The following ZDHHC14 variants were observed in gnomAD, a reference collection of about 807,000 sequenced individuals.
ZDHHC14 encodes the protein zDHHC palmitoyltransferase 14.
In ZDHHC14, 16 loss-of-function variants were observed where a neutral mutation model predicts 47.7. The observed-to-expected ratio is 0.34, with a 90% CI of 0.23 to 0.51. The LOEUF (loss-of-function observed/expected upper bound fraction) is 0.51. Ranked by LOEUF, ZDHHC14 falls within the 20% of genes least tolerant of loss-of-function variation. The probability of loss-of-function intolerance (pLI) is 0.97; values close to 1 mark genes in which losing one functional copy is unlikely to be tolerated. For synonymous variants in ZDHHC14, 293 were observed against 278.9 expected, an observed-to-expected ratio of 1.05 and a Z score of -0.50; for missense variants, 515 against 662.5, an observed-to-expected ratio of 0.78 and a Z score of 2.44.
At chr6:157,590,533 C>T (rs1304641492) in intron 2 of ZDHHC14, among the ~76,000 whole-genome samples, 1 of 152,146 alleles carries the variant, frequency 6.6e-6, no homozygotes, top group Non-Finnish European at 1.5e-5. Context: ...GCACAGAAGA[C>T]AATAATTGAG....
At chr6:157,620,209 T>G (rs1199024447) in intron 3 of ZDHHC14, among the ~76,000 whole-genome samples, 1 of 152,174 alleles carries the variant, frequency 6.6e-6, no homozygotes, top group African/African-American at 2.4e-5. Flanking sequence ...ATGAGGGCCT[T>G]CTTGCTGATG....
At chr6:157,518,032 G>A (rs1780764312) in intron 1 of ZDHHC14, among the ~76,000 whole-genome samples, 1 of 152,102 alleles carries the variant, frequency 6.6e-6, no homozygotes, top group African/African-American at 2.4e-5. Context: ...GCAGGCTGGA[G>A]GAGGGTGGGG....
intron 8 of ZDHHC14, among the ~76,000 whole-genome samples, chr6:157,661,622 G>C (rs1044626144): frequency 6.6e-6 from 1 of 152,180 alleles, no homozygotes; most frequent in Non-Finnish European, 1.5e-5. Flanking sequence ...CACCTGGGCT[G>C]CCTCTGACCT....
At chr6:157,487,405 T>C (rs189455529) in intron 1 of ZDHHC14, among the ~76,000 whole-genome samples, 48 of 152,320 alleles carry the variant, frequency 3.2e-4, no homozygotes, top group Non-Finnish European at 5.6e-4. Flanking sequence ...ACTATTTCTT[T>C]GCAAACCTGT....
At chr6:157,550,715 A>G (rs1343589950) in intron 2 of ZDHHC14, among the ~76,000 whole-genome samples, 3 of 152,192 alleles carry the variant, frequency 2.0e-5, no homozygotes, top group Non-Finnish European at 4.4e-5. Flanking sequence ...CTGTGTAAAG[A>G]TGTGAAATCT....
chr6:157,432,447 G>A lies in ZDHHC14; in HGVS notation c.245+50181G>A, dbSNP rs528618011. 1.3e-4 allele frequency among the ~76,000 whole-genome samples: 20 copies of A among 152,284 alleles called. 1 individual carries two copies. The South Asian group carries it at 1.7e-3, about 13-fold the overall frequency. ...AGCTTACTAGCAGGTGTGGTTGCCCGGGGCTGCTTTGGAGAGGTAAGTAGT... is the reference window on the plus strand; with the variant it reads ...AGCTTACTAGCAGGTGTGGTTGCCCAGGGCTGCTTTGGAGAGGTAAGTAGT... On this transcript the variant is annotated intron_variant, in intron 1 of 8. Transcript: ENST00000359775.
chr6:157,545,197 A>G (rs940975722), intron 2 of ZDHHC14, among the ~76,000 whole-genome samples: 1 of 152,114 alleles, frequency 6.6e-6, no homozygotes, highest in African/African-American at 2.4e-5. Context: ...TGGGGCTGGG[A>G]GGGTAGGAGT....
intron 1 of ZDHHC14, among the ~76,000 whole-genome samples, chr6:157,385,321 C>T (rs569948854): frequency 1.3e-5 from 2 of 149,240 alleles, no homozygotes; most frequent in Non-Finnish European, 3.0e-5. Context: ...TGGGCTCAAG[C>T]GATCTCCTGC....
chr6:157,466,472 A>G (rs1318816075), intron 1 of ZDHHC14, among the ~76,000 whole-genome samples: 2 of 152,250 alleles, frequency 1.3e-5, no homozygotes, highest in Non-Finnish European at 2.9e-5. Flanking sequence ...GCAGAAATCA[A>G]ATATGTGTTA....
intron 1 of ZDHHC14, among the ~76,000 whole-genome samples, chr6:157,461,285 G>A (rs1256343759): frequency 6.6e-6 from 1 of 152,190 alleles, no homozygotes; most frequent in Non-Finnish European, 1.5e-5. Flanking sequence ...GCCTTTGAAA[G>A]GCCATCTGTG....
At position 157,656,386 on chromosome 6, in the gene ZDHHC14, A is replaced by G. The variant is rs539489143; in HGVS notation, c.1068+2759A>G. On this transcript the variant is annotated intron_variant, in intron 8 of 8. Coordinates refer to ENST00000359775, the MANE Select transcript of ZDHHC14 (RefSeq NM_024630.3). ...GTCTCGCTCTGCCACCCAGGCTGGA[A>G]TGCAGTGGCATGATCTCCACTCACT... Among the ~76,000 whole-genome samples the G allele has an allele frequency of 2.0e-5, 3 of 151,646 alleles. No homozygotes were observed. In the East Asian group the frequency reaches 5.8e-4, roughly 29 times the overall value.
At chr6:157,668,314 T>C (rs1289549759) in intron 8 of ZDHHC14, among the ~76,000 whole-genome samples, 1 of 151,998 alleles carries the variant, frequency 6.6e-6, no homozygotes, top group Non-Finnish European at 1.5e-5. Flanking sequence ...GAGGTGCTTA[T>C]CATCAGATAA....
chr6:157,571,600 T>G (rs1783098300), intron 2 of ZDHHC14, among the ~76,000 whole-genome samples: 1 of 152,172 alleles, frequency 6.6e-6, no homozygotes, highest in Non-Finnish European at 1.5e-5. Context: ...TGTCTGTGTT[T>G]TTAGCCAGCT....
intron 7 of ZDHHC14, among the ~76,000 whole-genome samples, chr6:157,648,121 A>T (rs1410917887): frequency 6.6e-6 from 1 of 152,240 alleles, no homozygotes; most frequent in Non-Finnish European, 1.5e-5. Flanking sequence ...TCCAAGTCAG[A>T]GTGTACAAGT....
intron 2 of ZDHHC14, among the ~76,000 whole-genome samples, chr6:157,583,296 A>G (rs1177933796): frequency 2.6e-5 from 4 of 152,108 alleles, no homozygotes; most frequent in Non-Finnish European, 5.9e-5. Context: ...CACTCTGGCT[A>G]TTTGAGTTGC....
rs1050109677 is a variant in ZDHHC14 at position 157,673,977 on chromosome 6, G to A, written c.*855G>A. 11 of 152,616 alleles carry A rather than the reference G, an allele frequency of 7.2e-5. No individual in the cohort carries two copies. Among genetic ancestry groups the A allele is most frequent in the Admixed American group, 4.6e-4 (7 of 15,276 alleles). The allele number at this position is 152,616 out of a possible 1,614,324, so 9.5% of individuals were successfully genotyped here. Reference sequence around the variant, plus strand: ...TACGGTTATCCTTAATAGCATAAATGAAAACAAAGTCATCCAGATGGGGAG... The same window carrying A: ...TACGGTTATCCTTAATAGCATAAATAAAAACAAAGTCATCCAGATGGGGAG... On this transcript the variant is annotated 3_prime_UTR_variant, in exon 9 of 9. Coordinates refer to ENST00000359775, the MANE Select transcript of ZDHHC14 (RefSeq NM_024630.3). The surrounding 1 kb of genome is among the most constrained non-coding windows in gnomAD (Gnocchi z 5.4).
intron 3 of ZDHHC14, among the ~76,000 whole-genome samples, chr6:157,604,243 C>T (rs1001209303): frequency 6.7e-6 from 1 of 150,002 alleles, no homozygotes; most frequent in African/African-American, 2.5e-5. Flanking sequence ...ACCTTGATCA[C>T]GCCTCTGCGC....
At chr6:157,451,752 G>A (rs1227174682) in intron 1 of ZDHHC14, among the ~76,000 whole-genome samples, 2 of 152,210 alleles carry the variant, frequency 1.3e-5, no homozygotes. Context: ...GTAGAGGTGG[G>A]TTTCTCCATG....
intron 2 of ZDHHC14, among the ~76,000 whole-genome samples, chr6:157,591,488 G>A (rs969187503): frequency 4.6e-5 from 7 of 152,156 alleles, no homozygotes; most frequent in Non-Finnish European, 1.0e-4. Flanking sequence ...GCTGCCATGT[G>A]AAGGACATGT....
Sources: gnomAD v4.1 joint callset for allele counts (sites outside exome capture counted in the v4.1 genomes callset) on GRCh38, gnomAD v4.1.1 for gene constraint, Gnocchi (gnomAD v3.1) non-coding constraint, MANE v1.5 for transcripts, NCBI Gene and HGNC (gene_info 2026-07-23, HGNC 2026-07-21) for gene names.